The following ZRANB3 variants were observed in gnomAD, a reference collection of about 807,000 sequenced individuals.
ZRANB3 encodes zinc finger RANBP2-type containing 3.
In ZRANB3, 125 loss-of-function variants were observed where a neutral mutation model predicts 133.8. The ratio of observed to expected loss-of-function variants is 0.93; its 90% CI spans 0.81 to 1.08. The LOEUF is 1.08. ZRANB3 is among the 50% of genes least tolerant of loss of function. The pLI, the probability that ZRANB3 is intolerant of heterozygous loss-of-function variation, is 0.00. For missense variants in ZRANB3, 1,229 were observed against 1,275.5 expected (o/e 0.96, Z 0.56); for synonymous variants, 387 against 432.7 (o/e 0.89, Z 1.31).
intron 3 of ZRANB3, among the ~76,000 whole-genome samples, chr2:135,366,756 C>G (rs921135012): frequency 1.3e-5 from 2 of 152,170 alleles, no homozygotes; most frequent in East Asian, 3.9e-4. Context: ...TGGTGGCTCA[C>G]GCCTGTAATC....
chr2:135,471,613 A>G (rs1190109951), intron 2 of ZRANB3, among the ~76,000 whole-genome samples: 1 of 152,188 alleles, frequency 6.6e-6, no homozygotes, highest in Non-Finnish European at 1.5e-5. Flanking sequence ...AAAGAAAGGT[A>G]ATTAGGCAGT....
intron 6 of ZRANB3, among the ~76,000 whole-genome samples, chr2:135,325,962 A>G (rs1683794039): frequency 6.6e-6 from 1 of 152,248 alleles, no homozygotes; most frequent in Non-Finnish European, 1.5e-5. Flanking sequence ...AGCAGAATCT[A>G]GATTACAAAA....
At chr2:135,232,669 T>C (rs931232747) in intron 12 of ZRANB3, among the ~76,000 whole-genome samples, 2 of 152,170 alleles carry the variant, frequency 1.3e-5, no homozygotes, top group Non-Finnish European at 2.9e-5. Context: ...CTGCTTCTGA[T>C]ACCCAGGCAA....
intron 3 of ZRANB3, among the ~76,000 whole-genome samples, chr2:135,389,717 T>C (rs1363919056): frequency 1.3e-5 from 2 of 151,966 alleles, no homozygotes; most frequent in Admixed American, 6.6e-5. Flanking sequence ...AAGAAGAGAC[T>C]ACAGAGATAA....
chr2:135,511,427 A>G, intron 1 of ZRANB3: 1 of 818,034 alleles, frequency 1.2e-6, no homozygotes, highest in Non-Finnish European at 2.2e-6. Flanking sequence ...GATCACAGAA[A>G]GTTCCAGAAT....
chr2:135,413,654 C>T (rs2104957772), intron 2 of ZRANB3, among the ~76,000 whole-genome samples: 1 of 152,156 alleles, frequency 6.6e-6, no homozygotes, highest in East Asian at 1.9e-4. Context: ...TGCTAGTTAA[C>T]AAGAGTCTAC....
chr2:135,280,977 T>C (rs972425482), intron 8 of ZRANB3, among the ~76,000 whole-genome samples: 2 of 152,186 alleles, frequency 1.3e-5, no homozygotes, highest in African/African-American at 2.4e-5. Flanking sequence ...TCTAGTTCCT[T>C]ATTCCGTACC....
At chr2:135,322,226 CAT>C (rs1227323718) in intron 6 of ZRANB3, among the ~76,000 whole-genome samples, 1 of 152,134 alleles carries the variant, frequency 6.6e-6, no homozygotes, top group African/African-American at 2.4e-5. Flanking sequence ...CAGTGATTTA[CAT>C]GTGTCTCCTG....
chr2:135,291,427 GC>G (rs1188509131), intron 8 of ZRANB3, among the ~76,000 whole-genome samples: 1 of 148,950 alleles, frequency 6.7e-6, no homozygotes, highest in Non-Finnish European at 1.5e-5. Flanking sequence ...AAGTGATCCA[GC>G]CCCCTCGGCC....
chr2:135,250,703 A>T (rs1309398879), intron 12 of ZRANB3, among the ~76,000 whole-genome samples: 1 of 152,222 alleles, frequency 6.6e-6, no homozygotes, highest in African/African-American at 2.4e-5. Flanking sequence ...TGTGGTGTTG[A>T]GCCTGTGGGT....
In ZRANB3 at chr2:135,200,229, G is replaced by A. The variant is rs999905289; in HGVS notation, c.*113C>T. ...TTAGTAGAAGAGAATTTGAATTCTT[G>A]ATTTTTGTTCTGAAAATTTTTACTC... On this transcript the variant is annotated 3_prime_UTR_variant, in exon 21 of 21. Coordinates refer to ENST00000264159, the MANE Select transcript of ZRANB3 (RefSeq NM_032143.4). 7 of 833,186 alleles carry A rather than the reference G, an allele frequency of 8.4e-6. No individual in the cohort carries two copies. Among genetic ancestry groups the A allele is most frequent in the Non-Finnish European group, 1.1e-5 (6 of 523,264 alleles). 51.6% of individuals were successfully genotyped at this position (833,186 alleles called of 1,614,324 possible).
intron 12 of ZRANB3, among the ~76,000 whole-genome samples, chr2:135,245,387 T>C (rs145643567): frequency 0.011 from 1,711 of 152,292 alleles, 26 homozygotes; most frequent in South Asian, 0.021. Context: ...CTCTTTGATA[T>C]ATTCTAAAGA....
intron 9 of ZRANB3, 23 bp downstream of exon 9, chr2:135,275,613 T>G: frequency 6.4e-7 from 1 of 1,552,702 alleles, no homozygotes; most frequent in East Asian, 2.3e-5. Flanking sequence ...TAAAAAGTAT[T>G]TAGTTAAAAA....
At chr2:135,437,867 A>C (rs1293033294) in intron 2 of ZRANB3, among the ~76,000 whole-genome samples, 1 of 152,190 alleles carries the variant, frequency 6.6e-6, no homozygotes, top group African/African-American at 2.4e-5. Flanking sequence ...TTTCCAGAAA[A>C]GATTATCCCT....
intron 2 of ZRANB3, among the ~76,000 whole-genome samples, chr2:135,417,464 A>G (rs201493362): frequency 0.1 from 15,782 of 151,790 alleles, 1,087 homozygotes; most frequent in South Asian, 0.32. Flanking sequence ...GGAAACAACA[A>G]GTGCTGGAGA....
rs1030491326 is a variant in ZRANB3, at chr2:135,414,312, G to T, written c.162-23492C>A. 4.0e-5 allele frequency among the ~76,000 whole-genome samples: 6 copies of T among 151,808 alleles called. No individual in the cohort carries two copies. In the South Asian group the frequency reaches 1.0e-3, roughly 26 times the overall value. ...AGGCAGGGGTTGCAATCCTAGTCTC[G>T]GATAAAACAGACTTTAAACCAACAA... On this transcript the variant is annotated intron_variant, in intron 2 of 20. Transcript: ENST00000264159.
chr2:135,245,724 C>T (rs1035999686), intron 12 of ZRANB3, among the ~76,000 whole-genome samples: 2 of 150,228 alleles, frequency 1.3e-5, no homozygotes, highest in Admixed American at 6.7e-5. Flanking sequence ...GTTGGGAGTT[C>T]GAGAGCAGCC....
intron 6 of ZRANB3, among the ~76,000 whole-genome samples, chr2:135,331,444 T>G (rs1007744064): frequency 3.3e-5 from 5 of 152,174 alleles, no homozygotes; most frequent in Admixed American, 2.0e-4. Context: ...TTGTGATTTC[T>G]TTTACATTTG....
intron 8 of ZRANB3, among the ~76,000 whole-genome samples, chr2:135,308,729 G>A (rs1238272227): frequency 6.6e-6 from 1 of 152,120 alleles, no homozygotes; most frequent in African/African-American, 2.4e-5. Context: ...GCTTCCCAAA[G>A]TGCTGGGATT....
Sources: allele counts gnomAD v4.1 joint callset (sites outside exome capture counted in the v4.1 genomes callset), GRCh38; gene constraint gnomAD v4.1.1; transcripts MANE v1.5; gene names NCBI Gene and HGNC (gene_info 2026-07-23, HGNC 2026-07-21).